Variants in CADPS observed in about 807,000 individuals in gnomAD.
CADPS encodes calcium dependent secretion activator, also known as calcium-dependent secretion activator 1.
CADPS carries 57 observed loss-of-function variants against 167.3 expected under a neutral mutation model. That is an observed-to-expected ratio of 0.34 (90% CI 0.28 to 0.42). The LOEUF (loss-of-function observed/expected upper bound fraction) is 0.42, where lower values mean the gene tolerates loss of function less well. Among genes scored for constraint, CADPS ranks in the 20% least tolerant of loss-of-function variants. The probability of loss-of-function intolerance (pLI) is 1.00; values close to 1 mark genes in which losing one functional copy is unlikely to be tolerated. For synonymous variants in CADPS, 676 were observed against 635.3 expected (o/e 1.06, Z -0.96); for missense variants, 1,414 against 1,738.1 (o/e 0.81, Z 3.32).
chr3:62,597,250 G>T (rs2059063019), intron 6 of CADPS, among the ~76,000 whole-genome samples: 1 of 152,132 alleles, frequency 6.6e-6, no homozygotes, highest in Non-Finnish European at 1.5e-5. Flanking sequence ...GGAGGCCAAG[G>T]CCTAAAGATC....
chr3:62,570,729 G>A, intron 9 of CADPS, 143 bp downstream of exon 9: 2 of 679,608 alleles, frequency 2.9e-6, no homozygotes, highest in South Asian at 3.5e-5. Flanking sequence ...CCTCTGAATG[G>A]TGGTTACATG....
chr3:62,841,880 T>TA (rs1162194311), intron 1 of CADPS, among the ~76,000 whole-genome samples: 1 of 152,196 alleles, frequency 6.6e-6, no homozygotes, highest in Non-Finnish European at 1.5e-5. Flanking sequence ...TCTCTCTCGC[T>TA]AAAAAATGAG....
At chr3:62,799,707 GT>G (rs1037484443) in intron 1 of CADPS, among the ~76,000 whole-genome samples, 15 of 152,190 alleles carry the variant, frequency 9.9e-5, no homozygotes, top group African/African-American at 3.6e-4. Context: ...ATAATTTGGG[GT>G]TTATAATGGG....
rs756821447 is a variant in CADPS, at chr3:62,753,706, C to T, written c.623G>A (p.Arg208Gln). The T allele has an allele frequency of 9.9e-6, 16 of 1,614,012 alleles. No homozygotes were observed. Among genetic ancestry groups the T allele is most frequent in the South Asian group, 9.9e-5 (9 of 91,078 alleles). Residue 208 changes from arginine to glutamine, a missense_variant, in exon 3 of 30, where the codon CGG becomes CAG. Physicochemically the swap from Arg to Gln is conservative, Grantham distance 43 (BLOSUM62 1). Coordinates refer to ENST00000383710, the MANE Select transcript of CADPS (RefSeq NM_003716.4). The surrounding 1 kb of genome is among the most constrained non-coding windows in gnomAD (Gnocchi z 4.6). The part of the protein sequence containing the change: ...QSGGCSANDS[R>Q]EVFKKHIEKR... ...CTCAATGTGCTTCTTGAAGACCTCC[C>T]GGGAGTCGTTGGCGGAACAGCCTCC...
At chr3:62,740,808 T>C (rs564272929) in intron 3 of CADPS, among the ~76,000 whole-genome samples, 4 of 152,370 alleles carry the variant, frequency 2.6e-5, no homozygotes, top group East Asian at 3.9e-4. Flanking sequence ...TTCTATCTGA[T>C]AGTTATTAAT....
chr3:62,665,663 C>G (rs184298630), intron 3 of CADPS, among the ~76,000 whole-genome samples: 4 of 152,166 alleles, frequency 2.6e-5, no homozygotes, highest in African/African-American at 9.7e-5. Context: ...AATGTCAACC[C>G]TCTGTCACTT....
At chr3:62,479,825 A>G (rs2061759747) in intron 22 of CADPS, among the ~76,000 whole-genome samples, 1 of 152,212 alleles carries the variant, frequency 6.6e-6, no homozygotes, top group African/African-American at 2.4e-5. Flanking sequence ...TGCCGTGAGC[A>G]TTGTTCAAAA....
intron 17 of CADPS, among the ~76,000 whole-genome samples, chr3:62,507,270 C>T (rs2066868504): frequency 6.6e-6 from 1 of 152,208 alleles, no homozygotes; most frequent in African/African-American, 2.4e-5. Flanking sequence ...TCATGCCCTT[C>T]TCTGGCACTA....
chr3:62,656,947 T>C (rs1187747151), intron 4 of CADPS, among the ~76,000 whole-genome samples: 1 of 152,140 alleles, frequency 6.6e-6, no homozygotes, highest in Non-Finnish European at 1.5e-5. Flanking sequence ...TTTTAGCTAT[T>C]GACAAAGGCC....
intron 24 of CADPS, chr3:62,467,269 T>G (rs1196172615): frequency 8.4e-7 from 1 of 1,190,786 alleles, no homozygotes; most frequent in Non-Finnish European, 1.1e-6. Flanking sequence ...ATGCAAGACA[T>G]TGTTATTTGA....
intron 6 of CADPS, among the ~76,000 whole-genome samples, chr3:62,636,624 A>G (rs2066365317): frequency 6.6e-6 from 1 of 152,212 alleles, no homozygotes; most frequent in South Asian, 2.1e-4. Flanking sequence ...ATCACAGCAC[A>G]GGGGCGTTGC....
At chr3:62,669,931 T>C (rs1259368024) in intron 3 of CADPS, among the ~76,000 whole-genome samples, 1 of 152,184 alleles carries the variant, frequency 6.6e-6, no homozygotes, top group African/African-American at 2.4e-5. Flanking sequence ...TTTCCTCCCC[T>C]TTTGGGTAAG....
intron 6 of CADPS, among the ~76,000 whole-genome samples, chr3:62,618,867 C>T (rs2062739366): frequency 6.6e-6 from 1 of 152,168 alleles, no homozygotes; most frequent in Non-Finnish European, 1.5e-5. Context: ...AGGCATTATG[C>T]TAGACATTTC....
intron 6 of CADPS, among the ~76,000 whole-genome samples, chr3:62,611,541 T>C (rs2061500731): frequency 6.6e-6 from 1 of 152,188 alleles, no homozygotes. Flanking sequence ...CAATGCATTC[T>C]TTTCACTCAG....
At chr3:62,819,291 A>T (rs1208783863) in intron 1 of CADPS, among the ~76,000 whole-genome samples, 1 of 152,214 alleles carries the variant, frequency 6.6e-6, no homozygotes, top group African/African-American at 2.4e-5. Context: ...TATTAAAAAA[A>T]CACTGCAAAA....
At chr3:62,447,365 C>T (rs7611540) in intron 26 of CADPS, among the ~76,000 whole-genome samples, 43,876 of 152,070 alleles carry the variant, frequency 0.29, 6,579 homozygotes, top group Middle Eastern at 0.41. Flanking sequence ...GCCCCCAAGA[C>T]GATTCCTGGA....
chr3:62,528,795 A>G (rs1297289227), intron 13 of CADPS, among the ~76,000 whole-genome samples: 2 of 152,210 alleles, frequency 1.3e-5, no homozygotes, highest in African/African-American at 4.8e-5. Context: ...AAATTTACAG[A>G]TGTTTGACTT....
chr3:62,630,325 A>AT (rs1444025750), intron 6 of CADPS, among the ~76,000 whole-genome samples: 4 of 152,078 alleles, frequency 2.6e-5, no homozygotes, highest in Non-Finnish European at 5.9e-5. Context: ...CCGAATCTGT[A>AT]TTTTGCCCCA....
intron 6 of CADPS, among the ~76,000 whole-genome samples, chr3:62,632,686 A>T (rs2065512619): frequency 6.6e-6 from 1 of 152,052 alleles, no homozygotes; most frequent in Non-Finnish European, 1.5e-5. Context: ...ATACCTCCCT[A>T]CCTAGCAGCA....
Sources: gnomAD v4.1 joint callset for allele counts (sites outside exome capture counted in the v4.1 genomes callset) on GRCh38, gnomAD v4.1.1 for gene constraint, Gnocchi (gnomAD v3.1) non-coding constraint, MANE v1.5 for transcripts, NCBI Gene and HGNC (gene_info 2026-07-23, HGNC 2026-07-21) for gene names.